Variants in LIMD1 observed in about 807,000 individuals in gnomAD.
LIMD1 encodes the protein LIM domain containing 1.
A neutral mutation model predicts 58.4 loss-of-function variants in LIMD1; 23 were observed. The observed-to-expected ratio is 0.39, with a 90% CI of 0.28 to 0.56. The LOEUF (loss-of-function observed/expected upper bound fraction) is 0.56, where lower values mean the gene tolerates loss of function less well. Ranked by LOEUF, LIMD1 falls within the 20% of genes least tolerant of loss-of-function variation. LIMD1 has a pLI of 0.57. For synonymous variants in LIMD1, 334 were observed against 345.5 expected (o/e 0.97, Z 0.37); for missense variants, 838 against 855.5 (o/e 0.98, Z 0.25).
At chr3:45,622,724 A>G (rs963389694) in intron 1 of LIMD1, among the ~76,000 whole-genome samples, 1 of 150,176 alleles carries the variant, frequency 6.7e-6, no homozygotes, top group Non-Finnish European at 1.5e-5. Flanking sequence ...GCTGGATTGC[A>G]GTGGCATGAT....
intron 2 of LIMD1, among the ~76,000 whole-genome samples, chr3:45,648,003 A>C (rs1487444341): frequency 6.6e-6 from 1 of 151,716 alleles, no homozygotes; most frequent in Non-Finnish European, 1.5e-5. Flanking sequence ...CTTGGGTCCC[A>C]TGTGCACCCT....
intron 1 of LIMD1, 200 bp from the exon 2 acceptor site, chr3:45,635,950 C>T: frequency 1.0e-6 from 1 of 985,212 alleles, no homozygotes; most frequent in South Asian, 4.7e-5. Flanking sequence ...ACCTAAAGTC[C>T]AGCCTGGTAG....
intron 1 of LIMD1, among the ~76,000 whole-genome samples, chr3:45,609,580 C>CA (rs1024913691): frequency 6.6e-6 from 1 of 152,186 alleles, no homozygotes; most frequent in African/African-American, 2.4e-5. Flanking sequence ...GCATGAACCC[C>CA]AAGTGGGTCA....
chr3:45,606,751 A>G (rs1421508907), intron 1 of LIMD1, among the ~76,000 whole-genome samples: 2 of 152,228 alleles, frequency 1.3e-5, no homozygotes, highest in Non-Finnish European at 2.9e-5. Context: ...GGTCAGGAGC[A>G]ACCCCAGGCT....
intron 2 of LIMD1, among the ~76,000 whole-genome samples, chr3:45,650,492 C>G (rs1387111728): frequency 6.9e-6 from 1 of 144,838 alleles, no homozygotes; most frequent in East Asian, 2.0e-4. Context: ...CCCCAGCCCC[C>G]CACCCCCCCC....
intron 1 of LIMD1, 32 bp from the exon 2 acceptor site, chr3:45,636,118 C>T: frequency 1.2e-6 from 2 of 1,610,378 alleles, no homozygotes; most frequent in South Asian, 2.2e-5. Flanking sequence ...TGGTTCCCTC[C>T]TGACTCACTG....
chr3:45,605,237 T>C (rs1335535136), intron 1 of LIMD1, among the ~76,000 whole-genome samples: 1 of 152,262 alleles, frequency 6.6e-6, no homozygotes, highest in South Asian at 2.1e-4. Context: ...TAACAGGGAC[T>C]GGGCAGCATT....
intron 7 of LIMD1, 190 bp downstream of exon 7, chr3:45,674,601 A>AATAC: frequency 1.8e-6 from 1 of 565,748 alleles, no homozygotes. Context: ...TCAAGGTATA[A>AATAC]AGGTCTTTCT....
chr3:45,636,018 G>A, intron 1 of LIMD1, 132 bp from the exon 2 acceptor site: 1 of 1,536,270 alleles, frequency 6.5e-7, no homozygotes, highest in East Asian at 2.4e-5. Flanking sequence ...CACTTCAAAT[G>A]AGTCATCCAC....
chr3:45,632,018 G>A (rs1295581040), intron 1 of LIMD1, among the ~76,000 whole-genome samples: 1 of 152,154 alleles, frequency 6.6e-6, no homozygotes, highest in Non-Finnish European at 1.5e-5. Flanking sequence ...GAGTCCCTGT[G>A]CCCCTCTGCT....
intron 1 of LIMD1, among the ~76,000 whole-genome samples, chr3:45,609,691 C>A (rs1374408262): frequency 2.0e-5 from 3 of 152,234 alleles, no homozygotes; most frequent in African/African-American, 7.2e-5. Flanking sequence ...CAGGATAACT[C>A]ATTCATTCAG....
Position 45,673,459 on chromosome 3 carries a change from T to C in LIMD1, c.1778T>C (p.Leu593Pro). The change falls in exon 6 of 8, where the codon CTG (leucine) becomes CCG (proline). Residue 593 changes from leucine to proline, a missense_variant. Physicochemically the swap from Leu to Pro is moderately conservative, Grantham distance 98 (BLOSUM62 -3). Around this residue, in one of 3 missense-constraint regions of LIMD1, gnomAD observed 174 missense variants for 197.4 expected, o/e 0.88. Coordinates refer to ENST00000273317, the MANE Select transcript of LIMD1 (RefSeq NM_014240.3). The stretch of plus-strand genomic sequence containing the variant: ...TGCTTTGTTTCTCCCCACAGGGTGC[T>C]GGCCCCCAAGTGTGCAGCCTGTGGG... ...IYCVRDYHKV[L>P]APKCAACGLP... The C allele has an allele frequency of 1.9e-6, 3 of 1,613,956 alleles. No homozygotes were observed. Among genetic ancestry groups the C allele is most frequent in the Non-Finnish European group, 2.5e-6 (3 of 1,179,834 alleles).
chr3:45,609,871 C>T (rs931399098), intron 1 of LIMD1, among the ~76,000 whole-genome samples: 3 of 152,142 alleles, frequency 2.0e-5, no homozygotes, highest in African/African-American at 7.2e-5. Context: ...CAAGGCACTG[C>T]CTGGCACACA....
intron 2 of LIMD1, among the ~76,000 whole-genome samples, chr3:45,637,903 A>G (rs530745047): frequency 1.3e-5 from 2 of 152,304 alleles, no homozygotes; most frequent in Admixed American, 6.5e-5. Flanking sequence ...TGTGTAGGGA[A>G]AGACTATGAG....
intron 1 of LIMD1, among the ~76,000 whole-genome samples, chr3:45,624,781 G>A (rs978993715): frequency 6.6e-5 from 10 of 152,024 alleles, no homozygotes; most frequent in South Asian, 6.2e-4. Context: ...TGACTTGGTC[G>A]TCACCCTGGT....
At chr3:45,617,055 A>G (rs1575347279) in intron 1 of LIMD1, among the ~76,000 whole-genome samples, 1 of 115,862 alleles carries the variant, frequency 8.6e-6, no homozygotes, top group East Asian at 2.7e-4. Flanking sequence ...TTTTTTTGAG[A>G]CAGAGTCTAG....
chr3:45,604,299 G>C (rs2125648638), intron 1 of LIMD1, among the ~76,000 whole-genome samples: 1 of 152,312 alleles, frequency 6.6e-6, no homozygotes, highest in African/African-American at 2.4e-5. Context: ...TCGGTCCTCT[G>C]TGTTCTCTGA....
chr3:45,622,516 G>A lies in LIMD1; in HGVS notation c.1409-13634G>A, dbSNP rs372831580. On this transcript the variant is annotated intron_variant, in intron 1 of 7. Transcript: ENST00000273317. ...GAACAATTATAGCACAATTATAGCA[G>A]TTCACTGTAATAAAAATTACGTGAA... 2.0e-5 allele frequency among the ~76,000 whole-genome samples: 3 copies of A among 152,188 alleles called. No homozygotes were observed. In the East Asian group the frequency reaches 5.8e-4, roughly 29 times the overall value.
At position 45,596,024 on chromosome 3, in the gene LIMD1, A is replaced by G. The variant is rs926028838; in HGVS notation, c.1145A>G (p.Lys382Arg). ...TGCACAGACCTTGGCACTGGTCCCA[A>G]GCTCAGCCCCACCAGTCTTGTCCAT... ...PGCTDLGTGP[K>R]LSPTSLVHPV... The change falls in exon 1 of 8, where the codon AAG (lysine) becomes AGG (arginine). Residue 382 changes from lysine to arginine, a missense_variant. Physicochemically the swap from Lys to Arg is conservative, Grantham distance 26 (BLOSUM62 2). Around this residue, in one of 3 missense-constraint regions of LIMD1, gnomAD observed 659 missense variants for 639.8 expected, o/e 1.03. Transcript: ENST00000273317. 2.5e-6 allele frequency: 4 copies of G among 1,614,204 alleles called. No individual in the cohort carries two copies. Among genetic ancestry groups the G allele is most frequent in the Middle Eastern group, 1.6e-4 (1 of 6,062 alleles).
Sources: gnomAD v4.1 joint callset for allele counts (sites outside exome capture counted in the v4.1 genomes callset) on GRCh38, gnomAD v4.1.1 for gene constraint, gnomAD v4.1.1 regional missense constraint, MANE v1.5 for transcripts, NCBI Gene and HGNC (gene_info 2026-07-23, HGNC 2026-07-21) for gene names.